The following CLCN5 variants were observed in gnomAD, a reference collection of about 807,000 sequenced individuals.
The protein encoded by CLCN5 is H(+)/Cl(-) exchange transporter 5.
CLCN5 carries 17 observed loss-of-function variants against 54.0 expected under a neutral mutation model. The ratio of observed to expected loss-of-function variants is 0.31; its 90% CI spans 0.22 to 0.47. CLCN5 has a LOEUF of 0.47. CLCN5 is among the 20% of genes least tolerant of loss of function. CLCN5 has a pLI of 1.00. For missense variants in CLCN5, 448 were observed against 646.7 expected (o/e 0.69, Z 3.33); for synonymous variants, 222 against 233.0 (o/e 0.95, Z 0.43).
chrX:49,961,490 G>C (rs1258809584), intron 3 of CLCN5, among the ~76,000 whole-genome samples: 1 of 112,111 alleles, frequency 8.9e-6, no homozygotes, highest in Non-Finnish European at 1.9e-5. Flanking sequence ...AACACAGAGG[G>C]TTGAACCCTG....
chrX:50,047,202 AATCTACTATT>A (rs1293753019), intron 4 of CLCN5, among the ~76,000 whole-genome samples: 2 of 112,118 alleles, frequency 1.8e-5, no homozygotes, highest in Non-Finnish European at 3.8e-5. Context: ...CTCATGGAGA[AATCTACTATT>A]ATCACTTCAG....
intron 4 of CLCN5, chrX:50,067,512 C>A: frequency 1.7e-6 from 1 of 600,221 alleles, no homozygotes; most frequent in Non-Finnish European, 2.0e-6. Flanking sequence ...ATCTTCCTTT[C>A]TCCCAGGCTG....
chrX:49,987,810 T>C (rs1002749646), intron 3 of CLCN5, among the ~76,000 whole-genome samples: 5 of 111,624 alleles, frequency 4.5e-5, no homozygotes, highest in African/African-American at 3.3e-5. Context: ...GTTTAGACCT[T>C]TACAGAATGG....
In CLCN5 at chrX:50,095,269, A is replaced by T. The variant is rs1934225114; in HGVS notation, c.*3050A>T. 8.9e-6 allele frequency: 1 copy of T among 112,586 alleles called. No individual in the cohort carries two copies. The allele number at this position is 112,586 out of a possible 1,213,427, so 9.3% of individuals were successfully genotyped here. On this transcript the variant is annotated 3_prime_UTR_variant, in exon 15 of 15. Transcript: ENST00000376091. The stretch of plus-strand genomic sequence containing the variant: ...TATTTTGTATCTTCAAATCTTCAAT[A>T]TAAAGAATTTAAAGAACCTGAAACA...
intron 6 of CLCN5, among the ~76,000 whole-genome samples, chrX:50,074,785 G>A (rs1933345665): frequency 8.9e-6 from 1 of 111,897 alleles, no homozygotes; most frequent in Non-Finnish European, 1.9e-5. Context: ...GCATTGGAGA[G>A]CAACAATAGA....
intron 3 of CLCN5, among the ~76,000 whole-genome samples, chrX:49,989,589 T>C (rs1557178650): frequency 8.9e-6 from 1 of 112,274 alleles, no homozygotes; most frequent in Non-Finnish European, 1.9e-5. Context: ...TTGGTTATAG[T>C]CTGGGAACAT....
intron 3 of CLCN5, among the ~76,000 whole-genome samples, chrX:49,972,389 G>A (rs1165872614): frequency 1.8e-5 from 2 of 110,649 alleles, no homozygotes; most frequent in Admixed American, 9.7e-5. Flanking sequence ...TATATTGTAC[G>A]TAATATTAGT....
At chrX:50,027,247 C>T (rs1931453796) in intron 3 of CLCN5, among the ~76,000 whole-genome samples, 1 of 110,676 alleles carries the variant, frequency 9.0e-6, no homozygotes. Context: ...AACTCCTGAC[C>T]TCGTGATCCG....
intron 3 of CLCN5, among the ~76,000 whole-genome samples, chrX:49,929,803 G>A (rs1375076319): frequency 9.8e-6 from 1 of 102,451 alleles, no homozygotes; most frequent in African/African-American, 3.9e-5. Flanking sequence ...TGGAGAAGGC[G>A]ATGATAAAGG....
intron 3 of CLCN5, among the ~76,000 whole-genome samples, chrX:49,929,086 G>A (rs1183595486): frequency 9.0e-6 from 1 of 111,642 alleles, no homozygotes; most frequent in East Asian, 2.8e-4. Context: ...CAATGTGTGA[G>A]TCTGTTCTCA....
chrX:50,023,944 A>C (rs1437887902), intron 3 of CLCN5, among the ~76,000 whole-genome samples: 3 of 3,500 alleles, frequency 8.6e-4, no homozygotes, highest in Non-Finnish European at 1.4e-3. Flanking sequence ...GGTGAATCTG[A>C]CAATTATGTG....
At chrX:50,075,690 A>C in intron 6 of CLCN5, 105 bp from the exon 7 acceptor site, 2 of 663,560 alleles carry the variant, frequency 3.0e-6, no homozygotes, top group Non-Finnish European at 5.0e-6. Context: ...TGTTACTTTG[A>C]TTCCTTTCCC....
intron 3 of CLCN5, among the ~76,000 whole-genome samples, chrX:50,022,982 G>C (rs1557184570): frequency 1.2e-5 from 1 of 83,393 alleles, no homozygotes; most frequent in Non-Finnish European, 2.1e-5. Context: ...TTCTGTAGAT[G>C]TCTATTAGGT....
At chrX:50,012,717 G>A (rs1268200989) in intron 3 of CLCN5, among the ~76,000 whole-genome samples, 3 of 111,739 alleles carry the variant, frequency 2.7e-5, no homozygotes, top group African/African-American at 6.5e-5. Context: ...CCCTGGGCCA[G>A]CAGCATCTGT....
intron 3 of CLCN5, among the ~76,000 whole-genome samples, chrX:49,947,201 A>G (rs1030634829): frequency 2.7e-5 from 3 of 111,526 alleles, no homozygotes; most frequent in Non-Finnish European, 5.6e-5. Context: ...CTCTAACTTT[A>G]CTGTCATCCA....
In CLCN5 at chrX:50,086,480, C is replaced by T. The variant is rs782167046; in HGVS notation, c.1167C>T (p.Leu389=). 2.0e-5 allele frequency: 24 copies of T among 1,208,700 alleles called. No homozygotes were observed. Among genetic ancestry groups the T allele is most frequent in the Non-Finnish European group, 2.6e-5 (23 of 895,070 alleles). ...EFHTPWHLFE[L]VPFILLGIFG... is the part of the protein sequence containing the mutation. ...ACACCCCATGGCATCTCTTTGAGCT[C>T]GTGCCATTCATTCTGCTGGGCATAT... Residue 389 remains leucine, a synonymous_variant, in exon 11 of 15, where the codon CTC becomes CTT. Coordinates refer to ENST00000376091, the MANE Select transcript of CLCN5 (RefSeq NM_001127898.4).
At chrX:50,027,018 T>TTTC (rs1557185112) in intron 3 of CLCN5, among the ~76,000 whole-genome samples, 4 of 95,710 alleles carry the variant, frequency 4.2e-5, no homozygotes, top group African/African-American at 1.6e-4. Flanking sequence ...TCTTTCTTTC[T>TTTC]TTTTTTTTTT....
At chrX:49,973,670 T>G (rs1928348044) in intron 3 of CLCN5, among the ~76,000 whole-genome samples, 1 of 111,141 alleles carries the variant, frequency 9.0e-6, no homozygotes, top group Admixed American at 9.6e-5. Flanking sequence ...TTTTTTTTTT[T>G]TGACTTTATG....
intron 3 of CLCN5, among the ~76,000 whole-genome samples, chrX:50,002,633 GTCTGTCTC>G (rs1477951682): frequency 1.8e-5 from 2 of 108,869 alleles, no homozygotes; most frequent in African/African-American, 3.4e-5. Flanking sequence ...CTGTCTGTCT[GTCTGTCTC>G]TCTGTCTCTG....
Sources: gnomAD v4.1 joint callset for allele counts (sites outside exome capture counted in the v4.1 genomes callset) on GRCh38, gnomAD v4.1.1 for gene constraint, MANE v1.5 for transcripts, NCBI Gene and HGNC (gene_info 2026-07-23, HGNC 2026-07-21) for gene names.